EXOC4: variants seen among roughly 807,000 people sequenced by gnomAD.
EXOC4 encodes the protein SEC8-like 1.
Under a neutral mutation model 107.2 loss-of-function variants are expected in EXOC4, and 71 were observed. The observed-to-expected ratio is 0.66, with a 90% CI of 0.55 to 0.81. EXOC4 has a LOEUF of 0.81. EXOC4 is among the 30% of genes least tolerant of loss of function. EXOC4 has a pLI of 0.00. For missense variants in EXOC4, 1,108 were observed against 1,189.6 expected (o/e 0.93, Z 1.01); for synonymous variants, 456 against 441.2 (o/e 1.03, Z -0.42).
chr7:133,464,265 ATTATC>A (rs1798664262), intron 7 of EXOC4, among the ~76,000 whole-genome samples: 1 of 152,166 alleles, frequency 6.6e-6, no homozygotes, highest in Admixed American at 6.5e-5. Context: ...TAGTTCTATT[ATTATC>A]TTTTATTATT....
intron 11 of EXOC4, among the ~76,000 whole-genome samples, chr7:133,832,316 T>C (rs958845949): frequency 6.6e-6 from 1 of 152,226 alleles, no homozygotes; most frequent in South Asian, 2.1e-4. Context: ...AATGATGTTT[T>C]TAATTTGCAT....
chr7:133,532,513 A>G (rs374940908), intron 9 of EXOC4, among the ~76,000 whole-genome samples: 2 of 152,202 alleles, frequency 1.3e-5, no homozygotes, highest in African/African-American at 4.8e-5. Flanking sequence ...ATATGGAGCT[A>G]TGGTCATAAC....
rs371915088 is a variant in EXOC4, at chr7:133,378,961, C to T, written c.1182+3959C>T. 2.6e-4 allele frequency among the ~76,000 whole-genome samples: 40 copies of T among 152,130 alleles called. No individual in the cohort carries two copies. In the South Asian group the frequency reaches 7.9e-3, roughly 30 times the overall value. On this transcript the variant is annotated intron_variant, in intron 7 of 17. Coordinates refer to ENST00000253861, the MANE Select transcript of EXOC4 (RefSeq NM_021807.4). ...GGATTTAAAAAAAACCAAGACCCAA[C>T]CATGCTGTTTCAAGAGATGCATTTT...
At chr7:133,884,987 A>AT (rs1799049682) in intron 11 of EXOC4, among the ~76,000 whole-genome samples, 1 of 152,146 alleles carries the variant, frequency 6.6e-6, no homozygotes, top group Non-Finnish European at 1.5e-5. Flanking sequence ...TTCAGCCACA[A>AT]TAAATGTTCA....
intron 10 of EXOC4, among the ~76,000 whole-genome samples, chr7:133,711,675 A>G (rs185072750): frequency 6.6e-6 from 1 of 152,310 alleles, no homozygotes; most frequent in Admixed American, 6.5e-5. Flanking sequence ...CTAGCAAAGA[A>G]CAGGATAAAG....
At chr7:134,080,050 A>G in the EXOC4 span, among the ~76,000 whole-genome samples, 3 of 152,192 alleles carry the variant, frequency 2.0e-5, no homozygotes, top group African/African-American at 7.2e-5. Context: ...TTAATAATGT[A>G]TAGCTGCAGC....
intron 14 of EXOC4, among the ~76,000 whole-genome samples, chr7:133,950,895 G>A (rs1196100817): frequency 6.6e-6 from 1 of 152,166 alleles, no homozygotes; most frequent in African/African-American, 2.4e-5. Context: ...CTTATTACTT[G>A]TTTAATGGTA....
chr7:133,395,073 A>G (rs776184421), intron 7 of EXOC4, among the ~76,000 whole-genome samples: 3 of 147,742 alleles, frequency 2.0e-5, no homozygotes, highest in Non-Finnish European at 4.5e-5. Flanking sequence ...CCAAATCTTT[A>G]TATTATTTTT....
At chr7:133,404,235 G>A (rs1177524825) in intron 7 of EXOC4, among the ~76,000 whole-genome samples, 3 of 151,920 alleles carry the variant, frequency 2.0e-5, no homozygotes, top group Non-Finnish European at 2.9e-5. Flanking sequence ...GAGTAGCTGG[G>A]ACTACAGGCG....
chr7:133,511,321 CAA>C (rs1462609972), intron 9 of EXOC4, among the ~76,000 whole-genome samples: 36 of 152,112 alleles, frequency 2.4e-4, no homozygotes, highest in Admixed American at 2.2e-3. Flanking sequence ...ATTGACTAGA[CAA>C]AGAGGGTTTG....
chr7:134,010,426 C>T (rs559956602), intron 17 of EXOC4: 1 of 152,296 alleles, frequency 6.6e-6, no homozygotes, highest in East Asian at 1.9e-4. Context: ...AGCCCTACTA[C>T]TCATAGTCTC....
chr7:133,807,753 ATTGT>A (rs1429587321), intron 10 of EXOC4, among the ~76,000 whole-genome samples: 1 of 152,160 alleles, frequency 6.6e-6, no homozygotes, highest in East Asian at 1.9e-4. Context: ...GTTTAAAAAG[ATTGT>A]TTGATATGAA....
chr7:133,602,692 G>A (rs1801837103), intron 9 of EXOC4, among the ~76,000 whole-genome samples: 1 of 152,138 alleles, frequency 6.6e-6, no homozygotes, highest in African/African-American at 2.4e-5. Flanking sequence ...AGAGATTATG[G>A]ATGAACAGAT....
At chr7:133,334,831 T>G (rs1248484598) in intron 5 of EXOC4, among the ~76,000 whole-genome samples, 2 of 152,220 alleles carry the variant, frequency 1.3e-5, no homozygotes, top group Non-Finnish European at 2.9e-5. Flanking sequence ...TTGTTTGATT[T>G]TCTGTTCCTG....
intron 9 of EXOC4, among the ~76,000 whole-genome samples, chr7:133,587,821 A>G (rs1206789677): frequency 6.6e-6 from 1 of 152,224 alleles, no homozygotes; most frequent in Non-Finnish European, 1.5e-5. Flanking sequence ...GCCAATGATG[A>G]CATGAAAGCT....
chr7:133,283,752 G>A (rs1243271382), intron 2 of EXOC4, among the ~76,000 whole-genome samples: 1 of 152,294 alleles, frequency 6.6e-6, no homozygotes, highest in South Asian at 2.1e-4. Flanking sequence ...CCTTTTTGCG[G>A]TCAGTTCTCT....
chr7:133,615,213 T>C (rs78320662), intron 9 of EXOC4, among the ~76,000 whole-genome samples: 7,783 of 151,460 alleles, frequency 0.051, 516 homozygotes, highest in African/African-American at 0.15. Flanking sequence ...CCTCCTCCAC[T>C]TCTTCTGTCT....
chr7:133,915,524 G>A (rs10488180), intron 12 of EXOC4, among the ~76,000 whole-genome samples: 23,015 of 152,036 alleles, frequency 0.15, 2,034 homozygotes, highest in African/African-American at 0.24. Flanking sequence ...ATACAGAAAG[G>A]GCAAATGTTT....
intron 1 of EXOC4, among the ~76,000 whole-genome samples, chr7:133,266,045 C>A (rs1048607124): frequency 1.3e-5 from 2 of 152,160 alleles, no homozygotes; most frequent in African/African-American, 4.8e-5. Context: ...CATAACAAAA[C>A]ACCAAATACT....
Sources: allele counts gnomAD v4.1 joint callset (sites outside exome capture counted in the v4.1 genomes callset), GRCh38; gene constraint gnomAD v4.1.1; transcripts MANE v1.5; gene names NCBI Gene and HGNC (gene_info 2026-07-23, HGNC 2026-07-21).